Variants in MROH9 observed in about 807,000 individuals in gnomAD.
The protein encoded by MROH9 is maestro heat like repeat family member 9.
In MROH9, 92 loss-of-function variants were observed where a neutral mutation model predicts 98.2. The observed-to-expected ratio is 0.94, with a 90% CI of 0.79 to 1.11. The LOEUF (loss-of-function observed/expected upper bound fraction) is 1.11, where lower values mean the gene tolerates loss of function less well. Ranked by LOEUF, MROH9 falls within the 50% of genes most tolerant of loss-of-function variation. The pLI is 0.00. For missense variants in MROH9, 1,057 were observed against 1,014.8 expected, an observed-to-expected ratio of 1.04 and a Z score of -0.57; for synonymous variants, 397 against 368.9, an observed-to-expected ratio of 1.08 and a Z score of -0.87.
intron 1 of MROH9, among the ~76,000 whole-genome samples, chr1:170,936,793 C>T (rs540538953): frequency 5.9e-5 from 9 of 151,726 alleles, no homozygotes; most frequent in Non-Finnish European, 7.4e-5. Flanking sequence ...TTAGGTGCAC[C>T]GGCCCAGTTG....
intron 7 of MROH9, among the ~76,000 whole-genome samples, chr1:170,970,987 T>G (rs1026863405): frequency 6.6e-6 from 1 of 152,112 alleles, no homozygotes; most frequent in African/African-American, 2.4e-5. Flanking sequence ...AAATCTACAT[T>G]TAATCAGAGC....
chr1:171,036,562 C>T (rs1401206680), intron 20 of MROH9, among the ~76,000 whole-genome samples: 1 of 151,904 alleles, frequency 6.6e-6, no homozygotes, highest in East Asian at 1.9e-4. Context: ...CTTAGACTCT[C>T]TCACACAGGT....
intron 1 of MROH9, among the ~76,000 whole-genome samples, chr1:170,941,689 G>A (rs28836799): frequency 0.14 from 21,722 of 152,126 alleles, 1,841 homozygotes; most frequent in East Asian, 0.39. Context: ...CCTATTCAGT[G>A]GCTGCAGTTT....
intron 20 of MROH9, among the ~76,000 whole-genome samples, chr1:171,027,377 C>T (rs1344488261): frequency 2.6e-5 from 4 of 152,194 alleles, no homozygotes; most frequent in South Asian, 2.1e-4. Flanking sequence ...CTGCAAAGAA[C>T]ATGATCTCAT....
chr1:171,055,309 T>C (rs1653800665), intron 20 of MROH9, among the ~76,000 whole-genome samples: 1 of 152,044 alleles, frequency 6.6e-6, no homozygotes. Flanking sequence ...AGCTAGGCTA[T>C]GAGGATGCAA....
At chr1:170,958,006 T>C (rs937873580) in intron 3 of MROH9, among the ~76,000 whole-genome samples, 1 of 151,940 alleles carries the variant, frequency 6.6e-6, no homozygotes, top group African/African-American at 2.4e-5. Context: ...AGACGGGGTT[T>C]CACCGTATTA....
chr1:171,051,590 G>C (rs761947960), intron 20 of MROH9, among the ~76,000 whole-genome samples: 2 of 152,102 alleles, frequency 1.3e-5, no homozygotes, highest in African/African-American at 4.8e-5. Flanking sequence ...GCCTGGCAGA[G>C]AGGCAGGGAG....
intron 20 of MROH9, among the ~76,000 whole-genome samples, chr1:171,041,587 A>T (rs148003880): frequency 2.6e-5 from 4 of 151,812 alleles, no homozygotes; most frequent in Admixed American, 6.6e-5. Flanking sequence ...TTAGATACCT[A>T]GTAGTAAGAT....
intron 15 of MROH9, among the ~76,000 whole-genome samples, chr1:171,005,884 G>A (rs1651937290): frequency 6.6e-6 from 1 of 151,862 alleles, no homozygotes. Flanking sequence ...TTTATATTGT[G>A]TGTTCATTAA....
At chr1:171,061,193 T>G (rs1050671098) in intron 20 of MROH9, among the ~76,000 whole-genome samples, 1 of 152,146 alleles carries the variant, frequency 6.6e-6, no homozygotes, top group Admixed American at 6.6e-5. Flanking sequence ...CCCATGAGGA[T>G]GACTGAAAGG....
At chr1:170,968,864 T>C (rs1174829607) in intron 7 of MROH9, among the ~76,000 whole-genome samples, 2 of 152,240 alleles carry the variant, frequency 1.3e-5, no homozygotes, top group Admixed American at 1.3e-4. Flanking sequence ...GAGCATGGCC[T>C]ATACATTGAA....
Position 171,001,520 on chromosome 1 carries a change from A to G in MROH9, c.1596+3246A>G, listed in dbSNP as rs377578877. Among the ~76,000 whole-genome samples the G allele has an allele frequency of 5.9e-5, 9 of 152,192 alleles. No individual in the cohort carries two copies. The East Asian group carries it at 1.7e-3, about 29-fold the overall frequency. ...GTTTTTGACCCAATGCTCATTCAGG[A>G]GCAGGATTTAATTTCAATGTATTTG... On this transcript the variant is annotated intron_variant, in intron 15 of 21. Transcript: ENST00000367759.
chr1:171,002,140 T>G (rs1651804986), intron 15 of MROH9, among the ~76,000 whole-genome samples: 1 of 152,174 alleles, frequency 6.6e-6, no homozygotes, highest in Non-Finnish European at 1.5e-5. Context: ...TCCTTATGTG[T>G]TAGGTCAGTC....
At chr1:170,986,754 CT>C (rs766072409) in intron 10 of MROH9, 44 bp downstream of exon 10, 1 of 1,582,606 alleles carries the variant, frequency 6.3e-7, no homozygotes. Flanking sequence ...GGTTTACTCT[CT>C]AATGTGCATT....
intron 15 of MROH9, among the ~76,000 whole-genome samples, chr1:171,005,190 G>C (rs1436960090): frequency 1.3e-5 from 2 of 152,048 alleles, no homozygotes; most frequent in Non-Finnish European, 2.9e-5. Context: ...TTAGCCTCCA[G>C]AGTAGCTGGG....
At chr1:171,024,326 G>GTA in intron 17 of MROH9, 69 bp from the exon 18 acceptor site, 1 of 1,034,302 alleles carries the variant, frequency 9.7e-7, no homozygotes, top group South Asian at 1.4e-5. Flanking sequence ...GTGTGTGTGT[G>GTA]TGTGTAGATT....
intron 1 of MROH9, among the ~76,000 whole-genome samples, chr1:170,936,514 C>T (rs1369913956): frequency 6.6e-6 from 1 of 152,174 alleles, no homozygotes. Context: ...ATGCTAATCT[C>T]TTCTGGAAAT....
intron 3 of MROH9, among the ~76,000 whole-genome samples, chr1:170,952,520 T>A (rs1227015185): frequency 6.7e-6 from 1 of 148,580 alleles, no homozygotes; most frequent in Non-Finnish European, 1.5e-5. Context: ...AAACACTGCA[T>A]GTTCTCACTC....
At chr1:171,014,850 G>T (rs541392197) in intron 16 of MROH9, among the ~76,000 whole-genome samples, 10 of 152,202 alleles carry the variant, frequency 6.6e-5, no homozygotes, top group Non-Finnish European at 1.5e-4. Context: ...AATGCAAATT[G>T]TGAGGCCCCA....
Sources: allele counts gnomAD v4.1 joint callset (sites outside exome capture counted in the v4.1 genomes callset), GRCh38; gene constraint gnomAD v4.1.1; transcripts MANE v1.5; gene names NCBI Gene and HGNC (gene_info 2026-07-23, HGNC 2026-07-21).